Variants in MAP4K3 observed in about 807,000 individuals in gnomAD.
The protein encoded by MAP4K3 is MAPK/ERK kinase kinase kinase 3.
Under a neutral mutation model 143.5 loss-of-function variants are expected in MAP4K3, and 94 were observed. That is an observed-to-expected ratio of 0.65 (90% CI 0.55 to 0.78). The LOEUF (loss-of-function observed/expected upper bound fraction) is 0.78, where lower values mean the gene tolerates loss of function less well. MAP4K3 is among the 30% of genes least tolerant of loss of function. MAP4K3 has a pLI of 0.00. For synonymous variants in MAP4K3, 416 were observed against 347.2 expected (o/e 1.20, Z -2.20); for missense variants, 1,077 against 1,068.1 (o/e 1.01, Z -0.12).
chr2:39,404,286 G>T (rs1266015748), intron 1 of MAP4K3, among the ~76,000 whole-genome samples: 1 of 151,750 alleles, frequency 6.6e-6, no homozygotes, highest in Non-Finnish European at 1.5e-5. Context: ...TGGAGTCCCT[G>T]ATTCTAGGCC....
At chr2:39,354,851 T>G (rs933674847) in intron 3 of MAP4K3, among the ~76,000 whole-genome samples, 1 of 152,064 alleles carries the variant, frequency 6.6e-6, no homozygotes, top group Non-Finnish European at 1.5e-5. Context: ...AGAGAAAAAG[T>G]GTTTTGTACC....
intron 26 of MAP4K3, among the ~76,000 whole-genome samples, chr2:39,269,997 G>C (rs542826554): frequency 4.6e-5 from 7 of 152,176 alleles, no homozygotes; most frequent in Admixed American, 3.9e-4. Context: ...GCGCTTTTTA[G>C]AGTTAAAAAA....
At chr2:39,367,565 G>GGAAAAA (rs1212730875) in intron 2 of MAP4K3, among the ~76,000 whole-genome samples, 1 of 151,426 alleles carries the variant, frequency 6.6e-6, no homozygotes, top group African/African-American at 2.4e-5. Context: ...AAAAGGAAAA[G>GGAAAAA]GAAAAAGAAA....
chr2:39,381,315 T>C (rs1666350890), intron 1 of MAP4K3, among the ~76,000 whole-genome samples: 2 of 152,244 alleles, frequency 1.3e-5, no homozygotes, highest in Non-Finnish European at 2.9e-5. Flanking sequence ...GTCTATTCAA[T>C]TCTTTGTCCA....
chr2:39,333,050 T>TA (rs1468492631), intron 7 of MAP4K3, among the ~76,000 whole-genome samples: 1 of 152,150 alleles, frequency 6.6e-6, no homozygotes, highest in Non-Finnish European at 1.5e-5. Context: ...ATTGAAAATT[T>TA]AACAACCTAC....
At chr2:39,407,946 G>A (rs989113185) in intron 1 of MAP4K3, among the ~76,000 whole-genome samples, 2 of 151,942 alleles carry the variant, frequency 1.3e-5, no homozygotes, top group Non-Finnish European at 2.9e-5. Context: ...TATTAGTAAA[G>A]AAGAGAAGCA....
intron 2 of MAP4K3, among the ~76,000 whole-genome samples, chr2:39,371,971 A>T (rs2148573046): frequency 6.6e-6 from 1 of 151,062 alleles, no homozygotes; most frequent in African/African-American, 2.4e-5. Flanking sequence ...ATAAACGAGC[A>T]TCCAAATTGC....
chr2:39,351,320 C>A (rs1665451265), intron 3 of MAP4K3, among the ~76,000 whole-genome samples: 1 of 152,212 alleles, frequency 6.6e-6, no homozygotes, highest in South Asian at 2.1e-4. Flanking sequence ...TTTTAACACC[C>A]AATATTTGGG....
At chr2:39,431,634 G>A (rs1026821310) in intron 1 of MAP4K3, among the ~76,000 whole-genome samples, 5 of 152,112 alleles carry the variant, frequency 3.3e-5, no homozygotes, top group African/African-American at 1.2e-4. Flanking sequence ...GGGGAGGGGT[G>A]GATTTTAGGC....
At chr2:39,315,597 AATT>A in intron 12 of MAP4K3, 1 of 503,462 alleles carries the variant, frequency 2.0e-6, no homozygotes, top group Non-Finnish European at 3.5e-6. Flanking sequence ...CCACAACATA[AATT>A]ATTATTTGTA....
chr2:39,252,548 C>G (rs183005862), intron 32 of MAP4K3, among the ~76,000 whole-genome samples: 1 of 152,302 alleles, frequency 6.6e-6, no homozygotes, highest in Admixed American at 6.5e-5. Context: ...ATATATCCTT[C>G]AAGAAGTCCT....
At chr2:39,363,992 TAAAAAAA>T (rs70957104) in intron 2 of MAP4K3, among the ~76,000 whole-genome samples, 4 of 129,158 alleles carry the variant, frequency 3.1e-5, no homozygotes, top group Admixed American at 7.7e-5. Context: ...ATAGCCATTA[TAAAAAAA>T]AAAAAAAAAA....
intron 15 of MAP4K3, among the ~76,000 whole-genome samples, chr2:39,303,516 T>G (rs1242123789): frequency 6.6e-6 from 1 of 152,078 alleles, no homozygotes; most frequent in East Asian, 1.9e-4. Flanking sequence ...TGCCCCTACA[T>G]AGTCATTAAC....
chr2:39,330,438 GAA>G (rs1286955922), intron 8 of MAP4K3, among the ~76,000 whole-genome samples: 1 of 152,128 alleles, frequency 6.6e-6, no homozygotes, highest in East Asian at 1.9e-4. Flanking sequence ...CGGTTTCTCA[GAA>G]AGTTATTAAA....
At chr2:39,328,051 C>G (rs1260899951) in intron 8 of MAP4K3, among the ~76,000 whole-genome samples, 1 of 152,196 alleles carries the variant, frequency 6.6e-6, no homozygotes, top group Admixed American at 6.5e-5. Context: ...CGAATGCTGG[C>G]CGGGAGCAGT....
At position 39,283,032 on chromosome 2, in the gene MAP4K3, G is replaced by A. The variant is rs751867553; in HGVS notation, c.1588-478C>T. 3.3e-5 allele frequency among the ~76,000 whole-genome samples: 5 copies of A among 151,992 alleles called. No individual in the cohort carries two copies. In the East Asian group the frequency reaches 5.8e-4, roughly 18 times the overall value. Reference sequence around the variant, plus strand: ...ATTTAGCTATCCTTAAACATTATTCGGTATTTAGATTATTGTCAATATTTT... The same window carrying A: ...ATTTAGCTATCCTTAAACATTATTCAGTATTTAGATTATTGTCAATATTTT... On this transcript the variant is annotated intron_variant, in intron 21 of 33. Transcript: ENST00000263881.
At chr2:39,255,908 T>C (rs1680323684) in intron 31 of MAP4K3, among the ~76,000 whole-genome samples, 1 of 152,214 alleles carries the variant, frequency 6.6e-6, no homozygotes, top group South Asian at 2.1e-4. Flanking sequence ...ACTGAACCTG[T>C]GGATTAACTG....
chr2:39,326,103 TA>T, intron 9 of MAP4K3, 42 bp downstream of exon 9: 2 of 1,593,874 alleles, frequency 1.3e-6, no homozygotes, highest in Non-Finnish European at 8.5e-7. Context: ...ACTAAGAGGA[TA>T]AAAACCTTAA....
At chr2:39,293,145 A>T in intron 17 of MAP4K3, 85 bp downstream of exon 17, 1 of 982,978 alleles carries the variant, frequency 1.0e-6, no homozygotes, top group Non-Finnish European at 1.5e-6. Flanking sequence ...CAACGCAAAC[A>T]AATAGGCTAC....
Sources: allele counts gnomAD v4.1 joint callset (sites outside exome capture counted in the v4.1 genomes callset), GRCh38; gene constraint gnomAD v4.1.1; transcripts MANE v1.5; gene names NCBI Gene and HGNC (gene_info 2026-07-23, HGNC 2026-07-21).